Variants in KIAA0319L observed in about 807,000 individuals in gnomAD.
KIAA0319L encodes dyslexia-associated protein KIAA0319-like protein.
KIAA0319L carries 55 observed loss-of-function variants against 120.1 expected under a neutral mutation model. The ratio of observed to expected loss-of-function variants is 0.46; its 90% CI spans 0.37 to 0.57. The LOEUF is 0.57. KIAA0319L is among the 20% of genes least tolerant of loss of function. The pLI, the probability that KIAA0319L is intolerant of heterozygous loss-of-function variation, is 0.00. For synonymous variants in KIAA0319L, 398 were observed against 471.9 expected (o/e 0.84, Z 2.03); for missense variants, 1,049 against 1,255.3 (o/e 0.84, Z 2.48).
chr1:35,466,559 G>C (rs759173147), intron 7 of KIAA0319L, 49 bp downstream of exon 7: 2 of 1,221,256 alleles, frequency 1.6e-6, no homozygotes, highest in Non-Finnish European at 2.4e-6. Context: ...ATCTCCTCAG[G>C]AGTCCTGCAG....
Position 35,453,450 on chromosome 1 carries a change from C to T in KIAA0319L, c.1913+107G>A. 1.0e-6 allele frequency: 1 copy of T among 958,886 alleles called. No homozygotes were observed. Among genetic ancestry groups the T allele is most frequent in the Non-Finnish European group, 1.6e-6 (1 of 631,310 alleles). The allele number at this position is 958,886 out of a possible 1,614,324, so 59.4% of individuals were successfully genotyped here. On this transcript the variant is annotated intron_variant, in intron 12 of 20. Transcript: ENST00000325722. The surrounding 1 kb of genome is among the most constrained non-coding windows in gnomAD (Gnocchi z 4.1). Reference sequence around the variant, plus strand: ...GCAAACATTTCTTCCTCAGTCACCCCACTGGATAAGCCAATAAGAGCAACT... The same window carrying T: ...GCAAACATTTCTTCCTCAGTCACCCTACTGGATAAGCCAATAAGAGCAACT...
At chr1:35,557,496 G>A (rs1648298336), upstream of KIAA0319L, 18 of 356,520 alleles carry the variant, frequency 5.0e-5, no homozygotes, top group South Asian at 3.6e-4. Flanking sequence ...GGGCAATGCC[G>A]GCCGCGAGAC....
Position 35,554,459 on chromosome 1 carries a change from A to C in KIAA0319L, c.33T>G (p.Pro11=). The change falls in exon 2 of 21, where the codon CCT becomes CCG. Residue 11 remains proline, a synonymous_variant. Coordinates refer to ENST00000325722, the MANE Select transcript of KIAA0319L (RefSeq NM_024874.5). MEKRLGVKPN[P]ASWILSGYYW... is the part of the protein sequence containing the mutation. ...AATATCCTGATAAAATCCAGGAAGC[A>C]GGATTTGGCTTGACTCCCAGCCTCT... The C allele has an allele frequency of 6.2e-7, 1 of 1,613,238 alleles. No homozygotes were observed. The highest frequency in any genetic ancestry group is 8.5e-7 in the Non-Finnish European group (1 of 1,179,762).
chr1:35,476,391 C>T (rs1643897711), intron 4 of KIAA0319L, among the ~76,000 whole-genome samples: 1 of 152,176 alleles, frequency 6.6e-6, no homozygotes, highest in Admixed American at 6.5e-5. Context: ...GACTTCAAAA[C>T]TAGGAGAGCT....
chr1:35,439,687 T>A (rs561032406), intron 20 of KIAA0319L: 1 of 152,294 alleles, frequency 6.6e-6, no homozygotes, highest in South Asian at 2.1e-4. Flanking sequence ...CCCAGCTGCT[T>A]TGGGAGGCTG....
chr1:35,497,237 C>CAA (rs377319886), intron 3 of KIAA0319L, among the ~76,000 whole-genome samples: 1 of 113,778 alleles, frequency 8.8e-6, no homozygotes, highest in Non-Finnish European at 2.0e-5. Context: ...AGGAAAAAGA[C>CAA]AAAAAAAAAA....
At chr1:35,551,510 C>T (rs1288004462) in intron 2 of KIAA0319L, among the ~76,000 whole-genome samples, 2 of 151,934 alleles carry the variant, frequency 1.3e-5, no homozygotes, top group African/African-American at 2.4e-5. Flanking sequence ...GTAGAGACGG[C>T]GTTTCACTAT....
At chr1:35,551,589 G>T (rs760849087) in intron 2 of KIAA0319L, among the ~76,000 whole-genome samples, 45 of 152,150 alleles carry the variant, frequency 3.0e-4, no homozygotes, top group Non-Finnish European at 5.6e-4. Flanking sequence ...AAGGTGCTGG[G>T]ATTACAGGCA....
chr1:35,504,998 C>A (rs1645156842), intron 3 of KIAA0319L, among the ~76,000 whole-genome samples: 2 of 152,114 alleles, frequency 1.3e-5, no homozygotes, highest in African/African-American at 4.8e-5. Context: ...CTCTTTTTCC[C>A]TGTTTCTTTT....
At chr1:35,495,902 C>T (rs1048283299) in intron 3 of KIAA0319L, among the ~76,000 whole-genome samples, 8 of 143,572 alleles carry the variant, frequency 5.6e-5, no homozygotes, top group African/African-American at 1.8e-4. Flanking sequence ...AATAAGCACA[C>T]AAAAAATATT....
chr1:35,454,671 T>TTGAGTGACAAGACAGGGCTG, intron 10 of KIAA0319L, 186 bp from the exon 11 acceptor site: 1 of 1,375,308 alleles, frequency 7.3e-7, no homozygotes. Context: ...TGCTAAGGGT[T>TTGAGTGACAAGACAGGGCTG]TCCCCCTTCA....
chr1:35,556,125 C>T (rs1439420014), intron 1 of KIAA0319L, among the ~76,000 whole-genome samples: 1 of 152,192 alleles, frequency 6.6e-6, no homozygotes, highest in African/African-American at 2.4e-5. Context: ...AGAACACACA[C>T]CCCCACAATA....
rs1303799466 is a variant in KIAA0319L at position 35,444,170 on chromosome 1, T to C, written c.2647A>G (p.Asn883Asp). The C allele has an allele frequency of 1.9e-6, 3 of 1,597,942 alleles. No homozygotes were observed. Among genetic ancestry groups the C allele is most frequent in the Non-Finnish European group, 2.6e-6 (3 of 1,173,052 alleles). Residue 883 changes from asparagine to aspartate, a missense_variant, in exon 17 of 21, where the codon AAC becomes GAC. By Grantham distance (23) the Asn-to-Asp change is conservative. Transcript: ENST00000325722. ...TCCCAGAATTACTCACTGACAGTGT[T>C]GACTTCCAAGGCTCTGAATATCAAA... ...DFLIFRALEV[N>D]TVTCQLNCSD...
chr1:35,465,546 C>G (rs1473087772), intron 7 of KIAA0319L, among the ~76,000 whole-genome samples: 2 of 152,198 alleles, frequency 1.3e-5, no homozygotes, highest in Non-Finnish European at 2.9e-5. Context: ...CTTGCCTTGT[C>G]TCAGATGAGA....
Position 35,484,785 on chromosome 1 carries a change from TATATATATATATATATA to T in KIAA0319L, c.667-5590_667-5574del, listed in dbSNP as rs1479812641. 8.7e-4 allele frequency among the ~76,000 whole-genome samples: 54 copies of T among 62,112 alleles called. 1 individual carries two copies. The East Asian group carries it at 0.012, about 14-fold the overall frequency. 40.7% of individuals were successfully genotyped at this position (62,112 alleles called of 152,430 possible). ...TTTTAATCATATATATATATATATATATATATATATATATATATATATTTTTTTTTTTATTATACTCT... is the reference window on the plus strand; with the variant it reads ...TTTTAATCATATATATATATATATATTATATTTTTTTTTTTATTATACTCT... On this transcript the variant is annotated intron_variant, in intron 3 of 20. Coordinates refer to ENST00000325722, the MANE Select transcript of KIAA0319L (RefSeq NM_024874.5).
chr1:35,545,275 A>G (rs575868338), intron 2 of KIAA0319L, among the ~76,000 whole-genome samples: 1 of 152,290 alleles, frequency 6.6e-6, no homozygotes, highest in South Asian at 2.1e-4. Context: ...TGAAGAGTGA[A>G]GCAATCACAT....
chr1:35,538,097 C>A (rs760865135), intron 2 of KIAA0319L, among the ~76,000 whole-genome samples: 1 of 152,142 alleles, frequency 6.6e-6, no homozygotes, highest in Non-Finnish European at 1.5e-5. Context: ...TAGCACATCT[C>A]GGAATTGATC....
intron 9 of KIAA0319L, among the ~76,000 whole-genome samples, chr1:35,457,759 C>G (rs1447352964): frequency 6.6e-6 from 1 of 152,200 alleles, no homozygotes; most frequent in Admixed American, 6.5e-5. Context: ...ATCCTGCAGT[C>G]TCACCTTTTA....
At chr1:35,490,521 GA>G (rs894181846) in intron 3 of KIAA0319L, among the ~76,000 whole-genome samples, 4 of 151,176 alleles carry the variant, frequency 2.6e-5, no homozygotes, top group East Asian at 1.9e-4. Flanking sequence ...ACTATAATGA[GA>G]AAAAAAATGT....
Sources: allele counts gnomAD v4.1 joint callset (sites outside exome capture counted in the v4.1 genomes callset), GRCh38; gene constraint gnomAD v4.1.1; non-coding constraint Gnocchi (gnomAD v3.1); transcripts MANE v1.5; gene names NCBI Gene and HGNC (gene_info 2026-07-23, HGNC 2026-07-21).